The following SCAPER variants were observed in gnomAD, a reference collection of about 807,000 sequenced individuals.
The protein encoded by SCAPER is S-phase cyclin A associated protein in the ER.
Under a neutral mutation model 182.2 loss-of-function variants are expected in SCAPER, and 98 were observed. The observed-to-expected ratio is 0.54, with a 90% confidence interval of 0.46 to 0.64. The LOEUF (loss-of-function observed/expected upper bound fraction) is 0.64, where lower values mean the gene tolerates loss of function less well. SCAPER is among the 30% of genes least tolerant of loss of function. SCAPER has a pLI of 0.00. For missense variants in SCAPER, 1,432 were observed against 1,690.0 expected (o/e 0.85, Z 2.68); for synonymous variants, 605 against 564.6 (o/e 1.07, Z -1.01).
At chr15:76,668,809 T>G (rs2056807552) in intron 20 of SCAPER, among the ~76,000 whole-genome samples, 1 of 152,204 alleles carries the variant, frequency 6.6e-6, no homozygotes, top group South Asian at 2.1e-4. Context: ...TCAGTAAGTA[T>G]GTGTTAGATA....
intron 21 of SCAPER, among the ~76,000 whole-genome samples, 159 bp downstream of exon 21, chr15:76,665,494 T>C (rs2056504138): frequency 6.6e-6 from 1 of 152,178 alleles, no homozygotes; most frequent in Non-Finnish European, 1.5e-5. Flanking sequence ...CAGTTTTCTT[T>C]CTCAATCAAG....
At chr15:76,504,582 CAGTT>C (rs2041418630) in intron 24 of SCAPER, among the ~76,000 whole-genome samples, 1 of 152,198 alleles carries the variant, frequency 6.6e-6, no homozygotes, top group African/African-American at 2.4e-5. Flanking sequence ...TTTTTGGAAG[CAGTT>C]AGAATTGCTC....
intron 4 of SCAPER, among the ~76,000 whole-genome samples, chr15:76,850,289 C>G (rs1272854694): frequency 6.6e-6 from 1 of 152,186 alleles, no homozygotes; most frequent in African/African-American, 2.4e-5. Context: ...ACCATACAGA[C>G]AGGAGTGCAG....
At chr15:76,563,065 A>T (rs1357771856) in intron 23 of SCAPER, among the ~76,000 whole-genome samples, 1 of 152,186 alleles carries the variant, frequency 6.6e-6, no homozygotes, top group African/African-American at 2.4e-5. Context: ...TAAAACCATA[A>T]AGAAAAGGAA....
At chr15:76,800,594 A>C (rs1461374108) in intron 6 of SCAPER, among the ~76,000 whole-genome samples, 1 of 152,230 alleles carries the variant, frequency 6.6e-6, no homozygotes, top group African/African-American at 2.4e-5. Flanking sequence ...TACCGACTGC[A>C]GCACAGCAAC....
At chr15:76,833,366 T>TCC (rs1394109580) in intron 5 of SCAPER, among the ~76,000 whole-genome samples, 1 of 151,744 alleles carries the variant, frequency 6.6e-6, no homozygotes, top group African/African-American at 2.4e-5. Flanking sequence ...TTAAAAGAGG[T>TCC]CCCTAAGGGA....
intron 25 of SCAPER, among the ~76,000 whole-genome samples, chr15:76,466,203 T>C (rs1455476793): frequency 6.6e-6 from 1 of 152,014 alleles, no homozygotes; most frequent in Non-Finnish European, 1.5e-5. Context: ...ATAATGTGTA[T>C]AATGGGTTGG....
intron 21 of SCAPER, among the ~76,000 whole-genome samples, chr15:76,646,074 T>C (rs1337279078): frequency 1.3e-5 from 2 of 152,184 alleles, no homozygotes; most frequent in East Asian, 3.8e-4. Context: ...CCTGTGTGTT[T>C]ATCCATATCT....
At chr15:76,664,306 T>C (rs1348436624) in intron 21 of SCAPER, among the ~76,000 whole-genome samples, 2 of 152,170 alleles carry the variant, frequency 1.3e-5, no homozygotes, top group Non-Finnish European at 2.9e-5. Flanking sequence ...GCAGTGAAGT[T>C]AGAGAGACGT....
At chr15:76,745,703 G>T (rs2061759821) in intron 15 of SCAPER, among the ~76,000 whole-genome samples, 1 of 152,092 alleles carries the variant, frequency 6.6e-6, no homozygotes, top group Admixed American at 6.5e-5. Flanking sequence ...AGCTTAATTT[G>T]CTTATAAAAG....
At chr15:76,620,809 C>T (rs1443198442) in intron 22 of SCAPER, among the ~76,000 whole-genome samples, 2 of 151,862 alleles carry the variant, frequency 1.3e-5, no homozygotes, top group African/African-American at 4.8e-5. Context: ...ACAAGGAGAA[C>T]ACATAAACTT....
intron 24 of SCAPER, among the ~76,000 whole-genome samples, chr15:76,494,504 G>T (rs994949953): frequency 2.0e-5 from 3 of 152,086 alleles, no homozygotes; most frequent in Non-Finnish European, 4.4e-5. Context: ...CAATATTTCA[G>T]TCTTCCAGCA....
intron 22 of SCAPER, among the ~76,000 whole-genome samples, chr15:76,587,045 T>A (rs2048719042): frequency 6.6e-6 from 1 of 152,096 alleles, no homozygotes; most frequent in African/African-American, 2.4e-5. Flanking sequence ...GAGGGTTGTA[T>A]CTTTTCAGAA....
At chr15:76,832,389 T>A (rs1227781716) in intron 5 of SCAPER, among the ~76,000 whole-genome samples, 3 of 152,128 alleles carry the variant, frequency 2.0e-5, no homozygotes, top group African/African-American at 7.2e-5. Context: ...ATCTCAGAGG[T>A]CAAAGACTGC....
intron 21 of SCAPER, among the ~76,000 whole-genome samples, chr15:76,662,597 T>C (rs2056281069): frequency 2.0e-5 from 3 of 152,092 alleles, no homozygotes; most frequent in Admixed American, 1.3e-4. Flanking sequence ...ATAGGGCAGA[T>C]TTACATTTTT....
intron 25 of SCAPER, among the ~76,000 whole-genome samples, chr15:76,443,173 G>A (rs746361848): frequency 6.6e-6 from 1 of 152,142 alleles, no homozygotes; most frequent in Non-Finnish European, 1.5e-5. Context: ...CAGTGCAGGG[G>A]CTCCTTAATA....
At chr15:76,506,369 A>T (rs369777532) in intron 23 of SCAPER, among the ~76,000 whole-genome samples, 100 of 152,258 alleles carry the variant, frequency 6.6e-4, no homozygotes, top group African/African-American at 2.2e-3. Context: ...TCTCATGTAT[A>T]CCATAAATAC....
intron 25 of SCAPER, among the ~76,000 whole-genome samples, chr15:76,466,208 G>T (rs2142994555): frequency 6.6e-6 from 1 of 151,444 alleles, no homozygotes; most frequent in East Asian, 1.9e-4. Flanking sequence ...GTGTATAATG[G>T]GTTGGCTTGA....
intron 2 of SCAPER, among the ~76,000 whole-genome samples, chr15:76,870,834 A>C (rs1461524542): frequency 2.6e-5 from 4 of 152,178 alleles, no homozygotes; most frequent in Non-Finnish European, 4.4e-5. Flanking sequence ...AAACTAACAA[A>C]AGATCATACC....
Sources: allele counts gnomAD v4.1 joint callset (sites outside exome capture counted in the v4.1 genomes callset), GRCh38; gene constraint gnomAD v4.1.1; transcripts MANE v1.5; gene names NCBI Gene and HGNC (gene_info 2026-07-23, HGNC 2026-07-21).